The following TMTC3 variants were observed in gnomAD, a reference collection of about 807,000 sequenced individuals.
TMTC3 encodes protein O-mannosyl-transferase TMTC3.
Under a neutral mutation model 92.2 loss-of-function variants are expected in TMTC3, and 52 were observed. That is an observed-to-expected ratio of 0.56 (90% CI 0.45 to 0.71). The LOEUF (loss-of-function observed/expected upper bound fraction) is 0.71, where lower values mean the gene tolerates loss of function less well. TMTC3 is among the 30% of genes least tolerant of loss of function. TMTC3 has a pLI of 0.00. For missense variants in TMTC3, 896 were observed against 1,057.1 expected (o/e 0.85, Z 2.11); for synonymous variants, 339 against 363.3 (o/e 0.93, Z 0.76).
intron 10 of TMTC3, among the ~76,000 whole-genome samples, chr12:88,186,771 C>A (rs901169800): frequency 2.6e-5 from 4 of 152,138 alleles, no homozygotes; most frequent in South Asian, 4.1e-4. Context: ...GAAATTAGGT[C>A]TTTCATTTTA....
At chr12:88,170,149 GA>G (rs1310998773) in intron 7 of TMTC3, among the ~76,000 whole-genome samples, 1 of 152,124 alleles carries the variant, frequency 6.6e-6, no homozygotes, top group East Asian at 1.9e-4. Flanking sequence ...CATTATTAGA[GA>G]GCATATTAGG....
rs555490765 is a variant in TMTC3, at chr12:88,168,402, A to G, written c.1050+1820A>G. On this transcript the variant is annotated intron_variant, in intron 7 of 13. Transcript: ENST00000266712. ...TTGATTAATTCCTCCCTAAGGGAAG[A>G]CTATGCTGGTCAGGCAATGGTTTCA... 2.0e-5 allele frequency among the ~76,000 whole-genome samples: 3 copies of G among 152,286 alleles called. No individual in the cohort carries two copies. The South Asian group carries it at 6.2e-4, about 32-fold the overall frequency.
intron 11 of TMTC3, among the ~76,000 whole-genome samples, chr12:88,190,100 AAAAG>A: frequency 6.6e-6 from 1 of 152,292 alleles, no homozygotes; most frequent in South Asian, 2.1e-4. Flanking sequence ...ATAAAAATGT[AAAAG>A]AAAACACACA....
intron 7 of TMTC3, 26 bp downstream of exon 7, chr12:88,166,608 A>T: frequency 6.3e-7 from 1 of 1,595,136 alleles, no homozygotes; most frequent in Non-Finnish European, 8.5e-7. Flanking sequence ...TAACTTCCAA[A>T]TGATGTTAAC....
At chr12:88,163,569 G>A (rs2041105366) in intron 6 of TMTC3, among the ~76,000 whole-genome samples, 1 of 152,118 alleles carries the variant, frequency 6.6e-6, no homozygotes, top group Non-Finnish European at 1.5e-5. Context: ...GAGGCTCTAA[G>A]GAAGAATTTG....
Position 88,160,660 on chromosome 12 carries a change from C to T in TMTC3, c.625-19C>T. The stretch of plus-strand genomic sequence containing the variant: ...ATATGTCGTTATTTGTTGCTTAAAA[C>T]ATTTCTTTTCTTTTTCAGTATACTT... On this transcript the variant is annotated intron_variant, in intron 5 of 13. Coordinates refer to ENST00000266712, the MANE Select transcript of TMTC3 (RefSeq NM_181783.4). 3 of 1,608,762 alleles carry T rather than the reference C, an allele frequency of 1.9e-6. No homozygotes were observed. Among genetic ancestry groups the T allele is most frequent in the Non-Finnish European group, 2.5e-6 (3 of 1,177,432 alleles).
At position 88,156,696 on chromosome 12, in the gene TMTC3, T is replaced by TAA. The variant is rs11398219; in HGVS notation, c.508+2319_508+2320dup. On this transcript the variant is annotated intron_variant, in intron 4 of 13. Coordinates refer to ENST00000266712, the MANE Select transcript of TMTC3 (RefSeq NM_181783.4). ...AGTCAGGAGAGGATAAAACAAAAGT[T>TAA]AAAAAAAAAAATTCCCACTCTTGTC... is the stretch of plus-strand genomic sequence containing the variant. Among the ~76,000 whole-genome samples the TAA allele has an allele frequency of 3.5e-3, 525 of 148,744 alleles. 1 individual carries two copies. Among genetic ancestry groups the TAA allele is most frequent in the African/African-American group, 0.012 (486 of 40,762 alleles).
Position 88,174,656 on chromosome 12 carries a change from C to A in TMTC3, c.1249C>A (p.His417Asn), listed in dbSNP as rs1394789064. 6.2e-7 allele frequency: 1 copy of A among 1,612,272 alleles called. No homozygotes were observed. The highest frequency in any genetic ancestry group is 1.7e-5 in the Admixed American group (1 of 59,914). ...WICLSMVILT[H>N]SLKTFHRNWD... ...TTGTCTGTCTATGGTGATACTCACT[C>A]ATTCCTTAAAAACATTCCACAGAAA... The change falls in exon 9 of 14, where the codon CAT becomes AAT. Residue 417 changes from histidine (H) to asparagine (N), a missense_variant. Transcript: ENST00000266712.
At chr12:88,158,244 C>A (rs1211060904) in intron 4 of TMTC3, among the ~76,000 whole-genome samples, 1 of 152,086 alleles carries the variant, frequency 6.6e-6, no homozygotes, top group Admixed American at 6.5e-5. Flanking sequence ...CATACACATC[C>A]ATTCATACTA....
Position 88,194,999 on chromosome 12 carries a change from G to A in TMTC3, c.2095G>A (p.Ala699Thr), listed in dbSNP as rs756120021. 13 of 1,613,800 alleles carry A rather than the reference G, an allele frequency of 8.1e-6. 1 individual carries two copies. The East Asian group carries it at 2.9e-4, about 36-fold the overall frequency. Residue 699 changes from alanine to threonine, a missense_variant, in exon 14 of 14, where the codon GCC becomes ACC. Coordinates refer to ENST00000266712, the MANE Select transcript of TMTC3 (RefSeq NM_181783.4). Reference sequence around the variant, plus strand: ...GATGAAGAAAGCCATAAAGTTACAAGCCGACTTCCGAAGTGCTTTGTTTAA... The same window carrying A: ...GATGAAGAAAGCCATAAAGTTACAAACCGACTTCCGAAGTGCTTTGTTTAA... Reference protein sequence around the residue: ...IWMKKAIKLQADFRSALFNLA... With the variant: ...IWMKKAIKLQTDFRSALFNLA...
chr12:88,180,782 T>C (rs1261513162), intron 10 of TMTC3, among the ~76,000 whole-genome samples: 1 of 152,050 alleles, frequency 6.6e-6, no homozygotes, highest in Admixed American at 6.6e-5. Flanking sequence ...CACAAGCATA[T>C]TCTCTTCCCC....
intron 10 of TMTC3, among the ~76,000 whole-genome samples, chr12:88,180,265 A>G (rs2041302540): frequency 6.6e-6 from 1 of 152,180 alleles, no homozygotes; most frequent in Non-Finnish European, 1.5e-5. Context: ...AGTGACATGT[A>G]GTGTTACTTG....
chr12:88,152,450 C>T (rs752139725), intron 2 of TMTC3, among the ~76,000 whole-genome samples: 1 of 152,132 alleles, frequency 6.6e-6, no homozygotes, highest in African/African-American at 2.4e-5. Flanking sequence ...TCAACCTCCT[C>T]ATATTTCAGC....
Position 88,198,476 on chromosome 12 carries a change from G to A in TMTC3, c.*2827G>A. On this transcript the variant is annotated 3_prime_UTR_variant, in exon 14 of 14. Transcript: ENST00000266712. ...ACTGCTTCTTAGAAGGTAGAATTAA[G>A]TTTCTGGAATTGCACCTACATGTTT... 1 of 397,878 alleles carries A rather than the reference G, an allele frequency of 2.5e-6. No individual in the cohort carries two copies. The highest frequency in any genetic ancestry group is 4.4e-6 in the Non-Finnish European group (1 of 225,498). 24.6% of individuals were successfully genotyped at this position (397,878 alleles called of 1,614,324 possible). A position where few individuals can be genotyped will look rare whatever the true frequency, so the allele number is the denominator to read the frequency against.
chr12:88,195,254 G>GA lies in TMTC3; in HGVS notation c.2355dup (p.Asp786ArgfsTer6). 1 of 1,613,766 alleles carries GA rather than the reference G, an allele frequency of 6.2e-7. No individual in the cohort carries two copies. ...CAATCTTTGTGTTGTTTATTTTGAA[G>GA]AAAAAGACTTATTAAAAGCTGAAAG... On this transcript the variant is annotated frameshift_variant, in exon 14 of 14. Transcript: ENST00000266712. LOFTEE classifies it high-confidence loss of function.
intron 13 of TMTC3, among the ~76,000 whole-genome samples, chr12:88,193,897 CT>C (rs201715354): frequency 1.3e-5 from 2 of 150,454 alleles, no homozygotes; most frequent in Admixed American, 6.6e-5. Flanking sequence ...GTTTTTTTGG[CT>C]TTTTTTTTGC....
Position 88,154,324 on chromosome 12 carries a change from T to C in TMTC3, c.445T>C (p.Ser149Pro), listed in dbSNP as rs1381969366. 6.2e-7 allele frequency: 1 copy of C among 1,609,126 alleles called. No homozygotes were observed. The highest frequency in any genetic ancestry group is 8.5e-7 in the Non-Finnish European group (1 of 1,178,598). Residue 149 changes from serine to proline, a missense_variant, in exon 4 of 14, where the codon TCT becomes CCT. Physicochemically the swap from Ser to Pro is moderately conservative, Grantham distance 74. Coordinates refer to ENST00000266712, the MANE Select transcript of TMTC3 (RefSeq NM_181783.4). The stretch of plus-strand genomic sequence containing the variant: ...TGTTGGAAGAGCAGAACTTTTGTCA[T>C]CTATCTTTTTTCTAGCAGCTTTTTT... ...GVVGRAELLS[S>P]IFFLAAFLSY...
intron 1 of TMTC3, among the ~76,000 whole-genome samples, chr12:88,145,300 G>C (rs949310499): frequency 6.6e-6 from 1 of 152,080 alleles, no homozygotes; most frequent in Non-Finnish European, 1.5e-5. Flanking sequence ...GATCTTTCCA[G>C]TTTCCTCATG....
chr12:88,192,859 T>C, intron 13 of TMTC3, 29 bp downstream of exon 13: 1 of 1,561,262 alleles, frequency 6.4e-7, no homozygotes, highest in East Asian at 2.3e-5. Flanking sequence ...TTTCTGTTTA[T>C]ATAAATTGTA....
Sources: gnomAD v4.1 joint callset for allele counts (sites outside exome capture counted in the v4.1 genomes callset) on GRCh38, gnomAD v4.1.1 for gene constraint, MANE v1.5 for transcripts, NCBI Gene and HGNC (gene_info 2026-07-23, HGNC 2026-07-21) for gene names.